GNB1L: variants seen among roughly 807,000 people sequenced by gnomAD.
The protein encoded by GNB1L is G protein subunit beta 1 like, also known as guanine nucleotide-binding protein subunit beta-like protein 1.
A neutral mutation model predicts 29.1 loss-of-function variants in GNB1L; 20 were observed. The observed-to-expected ratio is 0.69, with a 90% CI of 0.48 to 1.00. The LOEUF is 1.00. Among genes scored for constraint, GNB1L ranks in the 50% least tolerant of loss-of-function variants. GNB1L has a pLI of 0.00. For synonymous variants in GNB1L, 193 were observed against 206.5 expected, an observed-to-expected ratio of 0.93 and a Z score of 0.56; for missense variants, 421 against 464.9, an observed-to-expected ratio of 0.91 and a Z score of 0.87.
intron 7 of GNB1L, among the ~76,000 whole-genome samples, chr22:19,801,013 G>A (rs1413358676): frequency 3.9e-5 from 6 of 152,210 alleles, no homozygotes; most frequent in Admixed American, 1.3e-4. Context: ...TGGGGGGCCC[G>A]AGGAATGCCC....
At chr22:19,845,455 G>A (rs994867113) in intron 2 of GNB1L, among the ~76,000 whole-genome samples, 3 of 152,244 alleles carry the variant, frequency 2.0e-5, no homozygotes, top group African/African-American at 7.2e-5. Context: ...CGCAGGCACA[G>A]CAGGGGGCAG....
chr22:19,831,533 T>C (rs1196654095), intron 2 of GNB1L, among the ~76,000 whole-genome samples: 1 of 151,274 alleles, frequency 6.6e-6, no homozygotes, highest in Non-Finnish European at 1.5e-5. Context: ...CTACTAAAAA[T>C]ACAAAAAATT....
At chr22:19,815,252 G>C (rs1194560621) in intron 4 of GNB1L, among the ~76,000 whole-genome samples, 1 of 152,182 alleles carries the variant, frequency 6.6e-6, no homozygotes, top group Non-Finnish European at 1.5e-5. Flanking sequence ...TTGCGGTTGT[G>C]GTGCCCACGC....
rs561502633 is a variant in GNB1L, at chr22:19,805,738, C to T, written c.516+921G>A. Among the ~76,000 whole-genome samples the T allele has an allele frequency of 3.2e-3, 486 of 151,886 alleles. 2 individuals are homozygous for T. Among genetic ancestry groups the T allele is most frequent in the African/African-American group, 0.011 (453 of 41,416 alleles). On this transcript the variant is annotated intron_variant, in intron 6 of 7. Coordinates refer to ENST00000329517, the MANE Select transcript of GNB1L (RefSeq NM_053004.3). ...CGGAGCTTGCAGTGAGCAGAGATCG[C>T]GCCACTGCACTCCAGCCTGGGTGAC... is the stretch of plus-strand genomic sequence containing the variant.
chr22:19,837,154 G>A (rs1223480050), intron 2 of GNB1L, among the ~76,000 whole-genome samples: 3 of 152,112 alleles, frequency 2.0e-5, no homozygotes, highest in Non-Finnish European at 4.4e-5. Context: ...TTTTAGTAGA[G>A]ACGGGGTCTC....
At chr22:19,811,313 C>T (rs5993841) in intron 5 of GNB1L, among the ~76,000 whole-genome samples, 2 of 152,054 alleles carry the variant, frequency 1.3e-5, no homozygotes, top group South Asian at 2.1e-4. Flanking sequence ...AAAGACTGCC[C>T]GGGCACAGCG....
chr22:19,796,549 A>G (rs948325218), intron 7 of GNB1L, among the ~76,000 whole-genome samples: 6 of 152,236 alleles, frequency 3.9e-5, no homozygotes, highest in African/African-American at 1.4e-4. Context: ...ATAACTGGGG[A>G]AAAAAATCAA....
intron 4 of GNB1L, among the ~76,000 whole-genome samples, chr22:19,819,102 C>A (rs530104321): frequency 1.3e-5 from 2 of 152,258 alleles, no homozygotes; most frequent in Non-Finnish European, 2.9e-5. Context: ...GGCTGCCCCT[C>A]CCTGCTCTGC....
chr22:19,809,127 G>A (rs761462696), intron 5 of GNB1L, among the ~76,000 whole-genome samples: 5 of 151,812 alleles, frequency 3.3e-5, no homozygotes, highest in Non-Finnish European at 5.9e-5. Flanking sequence ...GACCACCCTG[G>A]CTCACCACAC....
At chr22:19,811,846 C>T (rs1937504325) in intron 5 of GNB1L, among the ~76,000 whole-genome samples, 1 of 152,070 alleles carries the variant, frequency 6.6e-6, no homozygotes, top group South Asian at 2.1e-4. Context: ...TCCAACTTCA[C>T]CAGGGACTTG....
At chr22:19,800,987 G>C (rs1050787299) in intron 7 of GNB1L, among the ~76,000 whole-genome samples, 1 of 152,228 alleles carries the variant, frequency 6.6e-6, no homozygotes, top group African/African-American at 2.4e-5. Flanking sequence ...GGGGCTGCGG[G>C]CAAGTCTGCC....
At chr22:19,852,599 A>T in intron 2 of GNB1L, 1 of 285,866 alleles carries the variant, frequency 3.5e-6, no homozygotes, top group Non-Finnish European at 6.5e-6. Context: ...AGGAGCTTTG[A>T]ATGGAAGGAG....
rs992706057 is a variant in GNB1L at position 19,851,101 on chromosome 22, T to C, written c.-21+3342A>G. 8.0e-6 allele frequency: 12 copies of C among 1,500,808 alleles called. No homozygotes were observed. In the African/African-American group the frequency reaches 1.4e-4, roughly 17 times the overall value. 93.0% of individuals were successfully genotyped at this position (1,500,808 alleles called of 1,614,324 possible). On this transcript the variant is annotated intron_variant, in intron 2 of 7. Coordinates refer to ENST00000329517, the MANE Select transcript of GNB1L (RefSeq NM_053004.3). ...ACCACTCTGCTCTGACTGGGGACTA[T>C]GGGGCGCTCAAGCCACACAGGCCAC...
chr22:19,811,208 T>C (rs1387642024), intron 5 of GNB1L, among the ~76,000 whole-genome samples: 1 of 152,216 alleles, frequency 6.6e-6, no homozygotes, highest in Non-Finnish European at 1.5e-5. Context: ...ATCTCATTAT[T>C]TCTGTACTGG....
chr22:19,808,914 C>T (rs1396818225), intron 5 of GNB1L, among the ~76,000 whole-genome samples: 3 of 152,074 alleles, frequency 2.0e-5, no homozygotes, highest in Admixed American at 1.3e-4. Context: ...TGAGAGCCAC[C>T]GTCAGGGCTG....
Position 19,802,005 on chromosome 22 carries a change from A to G in GNB1L, c.728T>C (p.Leu243Pro). The G allele has an allele frequency of 5.0e-6, 8 of 1,584,366 alleles. No individual in the cohort carries two copies. The highest frequency in any genetic ancestry group is 6.9e-6 in the Non-Finnish European group (8 of 1,165,910). Residue 243 changes from leucine to proline, a missense_variant, in exon 7 of 8, where the codon CTG becomes CCG. Coordinates refer to ENST00000329517, the MANE Select transcript of GNB1L (RefSeq NM_053004.3). ...AVWSLDWQQA[L>P]QVRGTHELTN... is the part of the protein sequence containing the mutation. ...CCCGGGGCCTGGCGCACTGACCTGCAGGGCCTGCTGCCAGTCCAGGCTCCA... is the reference window on the plus strand; with the variant it reads ...CCCGGGGCCTGGCGCACTGACCTGCGGGGCCTGCTGCCAGTCCAGGCTCCA...
intron 4 of GNB1L, among the ~76,000 whole-genome samples, chr22:19,820,021 CA>C (rs766034672): frequency 1.3e-5 from 2 of 152,152 alleles, no homozygotes; most frequent in Non-Finnish European, 2.9e-5. Context: ...GGTGCATTGT[CA>C]TAACCTAGTG....
chr22:19,808,718 G>A (rs554671243), intron 5 of GNB1L, among the ~76,000 whole-genome samples: 1 of 152,332 alleles, frequency 6.6e-6, no homozygotes, highest in South Asian at 2.1e-4. Context: ...CAGCAACTCC[G>A]GGACAGGGTT....
At chr22:19,841,105 C>G (rs1462960967) in intron 2 of GNB1L, among the ~76,000 whole-genome samples, 2 of 152,238 alleles carry the variant, frequency 1.3e-5, no homozygotes, top group African/African-American at 4.8e-5. Context: ...AGGGCAAATT[C>G]AGGAACCCTG....
Sources: gnomAD v4.1 joint callset for allele counts (sites outside exome capture counted in the v4.1 genomes callset) on GRCh38, gnomAD v4.1.1 for gene constraint, MANE v1.5 for transcripts, NCBI Gene and HGNC (gene_info 2026-07-23, HGNC 2026-07-21) for gene names.